The following ADGRD1 variants were observed in gnomAD, a reference collection of about 807,000 sequenced individuals.
ADGRD1 encodes G-protein coupled receptor 133.
A neutral mutation model predicts 113.4 loss-of-function variants in ADGRD1; 77 were observed. The observed-to-expected ratio is 0.68, with a 90% CI of 0.57 to 0.82. The LOEUF is 0.82. ADGRD1 is among the 40% of genes least tolerant of loss of function. The probability of loss-of-function intolerance (pLI) is 0.00; values close to 1 mark genes in which losing one functional copy is unlikely to be tolerated. For missense variants in ADGRD1, 1,036 were observed against 1,139.1 expected (o/e 0.91, Z 1.30); for synonymous variants, 474 against 475.0 (o/e 1.00, Z 0.03).
Position 130,984,503 on chromosome 12 carries a change from G to GA in ADGRD1, c.490+2445dup, listed in dbSNP as rs1873386499. ...TTTTTAGAACAGTTTTAGATTCACA[G>GA]AAAAATTGAGTGCAAAGTTCAGAGA... On this transcript the variant is annotated intron_variant, in intron 5 of 24. Transcript: ENST00000261654. The surrounding 1 kb of genome is among the most constrained non-coding windows in gnomAD (Gnocchi z 4.1). Among the ~76,000 whole-genome samples, 1 of 152,128 alleles carries GA rather than the reference G, an allele frequency of 6.6e-6. No individual in the cohort carries two copies. Among genetic ancestry groups the GA allele is most frequent in the Non-Finnish European group, 1.5e-5 (1 of 68,012 alleles).
intron 4 of ADGRD1, among the ~76,000 whole-genome samples, chr12:130,972,768 C>T (rs369548935): frequency 2.0e-5 from 3 of 152,066 alleles, no homozygotes; most frequent in Admixed American, 2.0e-4. Context: ...AGAACGGCTT[C>T]TCTTTGGAGT....
intron 18 of ADGRD1, 102 bp downstream of exon 18, chr12:131,108,979 C>A: frequency 1.8e-4 from 27 of 146,710 alleles, no homozygotes; most frequent in South Asian, 6.9e-4. Flanking sequence ...GAAGTGGGGA[C>A]AGAAGGGGCA....
At chr12:130,974,558 G>C (rs1193273656) in intron 4 of ADGRD1, among the ~76,000 whole-genome samples, 3 of 152,092 alleles carry the variant, frequency 2.0e-5, no homozygotes, top group African/African-American at 7.2e-5. Flanking sequence ...CACACTTATT[G>C]GTGTGGGCAC....
intron 13 of ADGRD1, among the ~76,000 whole-genome samples, chr12:131,067,976 G>A (rs111603507): frequency 1.6e-5 from 2 of 123,498 alleles, no homozygotes; most frequent in Non-Finnish European, 3.4e-5. Context: ...ATGTCTGATC[G>A]CTGTGCCCCT....
At chr12:130,998,307 G>T (rs1457508894) in intron 8 of ADGRD1, among the ~76,000 whole-genome samples, 2 of 152,174 alleles carry the variant, frequency 1.3e-5, no homozygotes, top group African/African-American at 4.8e-5. Flanking sequence ...ATCCCTGTGG[G>T]ACCCCTGGTG....
chr12:131,017,665 TACACCAACACAGAC>T (rs1438539106), intron 13 of ADGRD1, among the ~76,000 whole-genome samples: 2 of 111,734 alleles, frequency 1.8e-5, no homozygotes, highest in Non-Finnish European at 3.6e-5. Context: ...CCAACACAGA[TACACCAACACAGAC>T]ACAAACACCC....
intron 13 of ADGRD1, among the ~76,000 whole-genome samples, chr12:131,068,776 CAAG>C (rs1266968645): frequency 1.3e-5 from 2 of 152,114 alleles, no homozygotes; most frequent in Non-Finnish European, 1.5e-5. Context: ...AACTTCATGA[CAAG>C]AAGAACAAAG....
chr12:131,073,547 T>C (rs961781295), intron 13 of ADGRD1, among the ~76,000 whole-genome samples: 48 of 152,200 alleles, frequency 3.2e-4, no homozygotes, highest in African/African-American at 1.0e-3. Flanking sequence ...CTTGGGACAA[T>C]GTTGGACACG....
At chr12:131,103,153 T>C (rs1950133937) in intron 15 of ADGRD1, among the ~76,000 whole-genome samples, 1 of 152,262 alleles carries the variant, frequency 6.6e-6, no homozygotes, top group Admixed American at 6.5e-5. Context: ...CCTTGCCTGC[T>C]GAGGCCTGAG....
In ADGRD1 at chr12:131,022,058, A is replaced by G. The variant is rs74734605; in HGVS notation, c.1473+7718A>G. ...CGTTGGATTAGGGCCTACTCTAATGACCTCATTTTATCTTAATCACCCCTT... is the reference window on the plus strand; with the variant it reads ...CGTTGGATTAGGGCCTACTCTAATGGCCTCATTTTATCTTAATCACCCCTT... On this transcript the variant is annotated intron_variant, in intron 13 of 24. Coordinates refer to ENST00000261654, the MANE Select transcript of ADGRD1 (RefSeq NM_198827.5). This position sits in a 1 kb window ranked among gnomAD's most constrained non-coding sequence, Gnocchi z 4.6. Among the ~76,000 whole-genome samples the G allele has an allele frequency of 0.11, 16,882 of 151,996 alleles. 1,014 individuals carry two copies. The highest frequency in any genetic ancestry group is 0.15 in the Middle Eastern group (43 of 294).
In ADGRD1 at chr12:131,049,808, G is replaced by A. The variant is rs1005407012; in HGVS notation, c.1474-26993G>A. Among the ~76,000 whole-genome samples, 8 of 152,208 alleles carry A rather than the reference G, an allele frequency of 5.3e-5. No homozygotes were observed. In the South Asian group the frequency reaches 8.3e-4, roughly 16 times the overall value. ...AGCGGGGGAGAGCATGGGCCCAGCC[G>A]TCCAGCAGGACCAGCTGTGCCTGTG... is the stretch of plus-strand genomic sequence containing the variant. On this transcript the variant is annotated intron_variant, in intron 13 of 24. Coordinates refer to ENST00000261654, the MANE Select transcript of ADGRD1 (RefSeq NM_198827.5).
At chr12:131,011,572 C>T (rs1316889022) in intron 12 of ADGRD1, among the ~76,000 whole-genome samples, 1 of 152,098 alleles carries the variant, frequency 6.6e-6, no homozygotes, top group African/African-American at 2.4e-5. Flanking sequence ...CATCCGGGCC[C>T]CAGGGGAATT....
rs1884254292 is a variant in ADGRD1 at position 131,060,800 on chromosome 12, G to A, written c.1474-16001G>A. On this transcript the variant is annotated intron_variant, in intron 13 of 24. Transcript: ENST00000261654. The surrounding 1 kb of genome is among the most constrained non-coding windows in gnomAD (Gnocchi z 4.4). The stretch of plus-strand genomic sequence containing the variant: ...AAAATCACTTATGATCTCACTGCCT[G>A]GAGATCCCATTGCCTGGATTCTCAG... Among the ~76,000 whole-genome samples, 1 of 152,066 alleles carries A rather than the reference G, an allele frequency of 6.6e-6. No individual in the cohort carries two copies. The highest frequency in any genetic ancestry group is 6.5e-5 in the Admixed American group (1 of 15,268).
At chr12:131,023,173 T>C (rs1879525501) in intron 13 of ADGRD1, 1 of 151,860 alleles carries the variant, frequency 6.6e-6, no homozygotes, top group South Asian at 2.1e-4. Flanking sequence ...GCTTTTAGCC[T>C]TACACCATGT....
At chr12:131,005,197 G>A (rs1481218713) in intron 11 of ADGRD1, among the ~76,000 whole-genome samples, 2 of 152,110 alleles carry the variant, frequency 1.3e-5, no homozygotes, top group South Asian at 2.1e-4. Flanking sequence ...TGTCAGGTGT[G>A]CCCTGCTCCT....
chr12:130,967,835 A>G (rs1871182542), intron 3 of ADGRD1: 1 of 152,256 alleles, frequency 6.6e-6, no homozygotes, highest in South Asian at 2.1e-4. Context: ...CAACATGGCC[A>G]CATTTGGAAA....
rs1386791999 is a variant in ADGRD1 at position 130,971,733 on chromosome 12, G to A, written c.310+153G>A. ...ATGGATCGGAGGGCAGGGGAGGGAG[G>A]AATACAGGCAAGGAGGTTACTAAGC... On this transcript the variant is annotated intron_variant, in intron 4 of 24. Transcript: ENST00000261654. This position sits in a 1 kb window ranked among gnomAD's most constrained non-coding sequence, Gnocchi z 4.2. Among the ~76,000 whole-genome samples, 1 of 152,198 alleles carries A rather than the reference G, an allele frequency of 6.6e-6. No individual in the cohort carries two copies. The highest frequency in any genetic ancestry group is 1.5e-5 in the Non-Finnish European group (1 of 68,048).
intron 13 of ADGRD1, among the ~76,000 whole-genome samples, chr12:131,049,881 G>T (rs1194890149): frequency 6.6e-6 from 1 of 152,204 alleles, no homozygotes; most frequent in Non-Finnish European, 1.5e-5. Context: ...AAGGTCTCTG[G>T]CTGGAGAGGG....
At chr12:131,127,785 G>A (rs1950778523) in intron 20 of ADGRD1, among the ~76,000 whole-genome samples, 1 of 142,050 alleles carries the variant, frequency 7.0e-6, no homozygotes, top group Non-Finnish European at 1.5e-5. Context: ...GGTTGTGTTG[G>A]TTGTGATGGG....
Sources: gnomAD v4.1 joint callset for allele counts (sites outside exome capture counted in the v4.1 genomes callset) on GRCh38, gnomAD v4.1.1 for gene constraint, Gnocchi (gnomAD v3.1) non-coding constraint, MANE v1.5 for transcripts, NCBI Gene and HGNC (gene_info 2026-07-23, HGNC 2026-07-21) for gene names.